The following HMGB1 variants were observed in gnomAD, a reference collection of about 807,000 sequenced individuals.
HMGB1 encodes the protein high mobility group box 1, also known as high mobility group protein B1.
For missense variants in HMGB1, 79 were observed against 253.5 expected, an observed-to-expected ratio of 0.31 and a Z score of 4.67; for synonymous variants, 81 against 84.0, an observed-to-expected ratio of 0.96 and a Z score of 0.19.
At chr13:30,525,683 G>A (rs1000210453) in intron 1 of HMGB1, among the ~76,000 whole-genome samples, 3 of 150,798 alleles carry the variant, frequency 2.0e-5, no homozygotes, top group Non-Finnish European at 4.4e-5. Flanking sequence ...TCATAAGATT[G>A]CACAGAAACA....
chr13:30,511,207 A>C (rs1887983927), intron 1 of HMGB1, among the ~76,000 whole-genome samples: 1 of 152,362 alleles, frequency 6.6e-6, no homozygotes, highest in Non-Finnish European at 1.5e-5. Flanking sequence ...TATCCACTAC[A>C]GCCCAGCAGT....
chr13:30,540,249 G>T, intron 1 of HMGB1: 1 of 187,110 alleles, frequency 5.3e-6, no homozygotes, highest in South Asian at 1.1e-4. Context: ...TCTGTCTGTA[G>T]GGACGCTCCT....
chr13:30,616,549 A>G (rs1304815909), intron 1 of HMGB1: 1 of 152,218 alleles, frequency 6.6e-6, no homozygotes, highest in Non-Finnish European at 1.5e-5. Context: ...TTCAGGAGGA[A>G]GTACTACTTT....
intron 4 of HMGB1, 87 bp downstream of exon 4, chr13:30,462,451 C>G (rs527620039): frequency 3.7e-6 from 4 of 1,068,896 alleles, no homozygotes; most frequent in Non-Finnish European, 4.4e-6. Context: ...AGCTGTTACC[C>G]TAAAAACTTA....
At chr13:30,574,947 A>G (rs1372451308) in intron 1 of HMGB1, among the ~76,000 whole-genome samples, 1 of 152,226 alleles carries the variant, frequency 6.6e-6, no homozygotes, top group Non-Finnish European at 1.5e-5. Context: ...TATACTACAT[A>G]AAAATTCTAT....
rs567124049 is a variant in HMGB1, at chr13:30,614,301, G to A, written c.-15+2370C>T. On this transcript the variant is annotated intron_variant, in intron 1 of 4. Coordinates refer to the HMGB1 transcript ENST00000405805. ...GCAAGACAGCAGTTTGAGATGAAAT[G>A]GGATTACACCCTTAGTAGGAAAAAC... is the stretch of plus-strand genomic sequence containing the variant. 5.9e-5 allele frequency among the ~76,000 whole-genome samples: 9 copies of A among 152,268 alleles called. No individual in the cohort carries two copies. In the East Asian group the frequency reaches 1.5e-3, roughly 26 times the overall value.
At chr13:30,617,451 G>T (rs1303333406) in exon 1 of HMGB1, 4 of 152,020 alleles carry the variant, frequency 2.6e-5, no homozygotes, top group African/African-American at 9.7e-5. Flanking sequence ...GAGGGTCCAT[G>T]GCACCCCCGC....
chr13:30,527,690 C>T (rs1342723782), intron 1 of HMGB1, among the ~76,000 whole-genome samples: 1 of 152,256 alleles, frequency 6.6e-6, no homozygotes, highest in East Asian at 1.9e-4. Flanking sequence ...CCACACCCAG[C>T]CCTATGCTGT....
At chr13:30,489,002 A>G (rs1887427090) in intron 1 of HMGB1, among the ~76,000 whole-genome samples, 1 of 152,214 alleles carries the variant, frequency 6.6e-6, no homozygotes, top group Non-Finnish European at 1.5e-5. Context: ...GCCAATATTC[A>G]GCACAGCAAG....
intron 1 of HMGB1, chr13:30,553,811 A>G (rs1247503731): frequency 2.9e-6 from 4 of 1,372,226 alleles, no homozygotes; most frequent in African/African-American, 1.4e-5. Context: ...ATCGAAATAG[A>G]TACAGAGATG....
upstream of HMGB1, among the ~76,000 whole-genome samples, chr13:30,468,414 C>A (rs960658317): frequency 6.6e-6 from 1 of 152,022 alleles, no homozygotes; most frequent in Non-Finnish European, 1.5e-5. Flanking sequence ...GCCACCATGC[C>A]CGGCTAATTT....
chr13:30,464,960 C>G (rs1302574305), intron 1 of HMGB1: 3 of 141,114 alleles, frequency 2.1e-5, no homozygotes, highest in Non-Finnish European at 4.6e-5. Flanking sequence ...TGGGGGCCGC[C>G]CGAGGGCCCA....
intron 1 of HMGB1, among the ~76,000 whole-genome samples, chr13:30,539,206 G>T (rs372378977): frequency 9.2e-5 from 14 of 152,272 alleles, no homozygotes; most frequent in African/African-American, 3.4e-4. Flanking sequence ...CAGCCCAGAA[G>T]TTTTTTACTG....
chr13:30,517,507 C>A (rs1007684756), intron 1 of HMGB1, among the ~76,000 whole-genome samples: 1 of 152,228 alleles, frequency 6.6e-6, no homozygotes, highest in African/African-American at 2.4e-5. Flanking sequence ...AGGGTTCAAG[C>A]GATTCTCCTG....
chr13:30,461,609 TTA>T, intron 4 of HMGB1, 76 bp from the exon 5 acceptor site: 1 of 1,575,640 alleles, frequency 6.3e-7, no homozygotes, highest in Admixed American at 1.9e-5. Context: ...TGGCAGAACT[TTA>T]TGAAAGAAAT....
intron 1 of HMGB1, among the ~76,000 whole-genome samples, chr13:30,588,497 CG>C (rs1871245831): frequency 6.6e-6 from 1 of 151,802 alleles, no homozygotes; most frequent in Admixed American, 6.6e-5. Context: ...TCCTCTGCAG[CG>C]GGGGAAAAAA....
chr13:30,474,966 T>TTTTTTTTTTTTTTG (rs1887045289), intron 1 of HMGB1, among the ~76,000 whole-genome samples: 1 of 131,320 alleles, frequency 7.6e-6, no homozygotes, highest in Non-Finnish European at 1.6e-5. Context: ...TTTGTTTTTT[T>TTTTTTTTTTTTTTG]TTTTTTTTTT....
intron 1 of HMGB1, among the ~76,000 whole-genome samples, chr13:30,546,411 G>A (rs1869161568): frequency 6.6e-6 from 1 of 152,144 alleles, no homozygotes; most frequent in African/African-American, 2.4e-5. Flanking sequence ...ACTGAGCCCG[G>A]CCAACCTCAC....
chr13:30,474,741 C>G (rs548753678), intron 1 of HMGB1, among the ~76,000 whole-genome samples: 2 of 138,958 alleles, frequency 1.4e-5, no homozygotes, highest in Admixed American at 7.4e-5. Context: ...GGCGACAGAG[C>G]GAGATGGTCT....
Sources: gnomAD v4.1 joint callset for allele counts (sites outside exome capture counted in the v4.1 genomes callset) on GRCh38, gnomAD v4.1.1 for gene constraint, MANE v1.5 for transcripts, NCBI Gene and HGNC (gene_info 2026-07-23, HGNC 2026-07-21) for gene names.